Variants in C8orf74 observed in about 807,000 individuals in gnomAD.
C8orf74 encodes the protein uncharacterized protein C8orf74.
Under a neutral mutation model 22.2 loss-of-function variants are expected in C8orf74, and 29 were observed. That is an observed-to-expected ratio of 1.31 (90% CI 0.97 to 1.78). The LOEUF (loss-of-function observed/expected upper bound fraction) is 1.78. Among genes scored for constraint, C8orf74 ranks in the 40% most tolerant of loss-of-function variants. The pLI is 0.00. For synonymous variants in C8orf74, 255 were observed against 163.1 expected (o/e 1.56, Z -4.30); for missense variants, 515 against 369.9 (o/e 1.39, Z -3.22).
intron 2 of C8orf74, among the ~76,000 whole-genome samples, chr8:10,687,685 C>T (rs1485403140): frequency 6.7e-6 from 1 of 150,158 alleles, no homozygotes; most frequent in East Asian, 2.0e-4. Flanking sequence ...AAAGATTCTG[C>T]TTTTAAACAC....
In C8orf74 at chr8:10,697,651, C is replaced by A. The variant is rs1292150432; in HGVS notation, c.294C>A (p.Tyr98Ter). 3 of 1,613,830 alleles carry A rather than the reference C, an allele frequency of 1.9e-6. No individual in the cohort carries two copies. Among genetic ancestry groups the A allele is most frequent in the Non-Finnish European group, 2.5e-6 (3 of 1,179,858 alleles). ...VTILGNKLRD[Y>*]RGHFNTTHLL... is the part of the protein sequence containing the mutation. Reference sequence around the variant, plus strand: ...TCCTGGGGAACAAGCTTAGAGATTACCGGGGCCATTTCAACACCACCCACC... The same window carrying A: ...TCCTGGGGAACAAGCTTAGAGATTAACGGGGCCATTTCAACACCACCCACC... Residue 98 changes from tyrosine to a stop codon, truncating the protein, a stop_gained, in exon 3 of 4, where the codon TAC (tyrosine) becomes TAA (stop). Coordinates refer to ENST00000304519, the MANE Select transcript of C8orf74 (RefSeq NM_001040032.2). LOFTEE classifies it high-confidence loss of function.
chr8:10,689,893 T>G lies in C8orf74; in HGVS notation c.242-7706T>G, dbSNP rs1799337911. On this transcript the variant is annotated intron_variant, in intron 2 of 3. Transcript: ENST00000304519. ...GGGGAGGAAGAGGAGGGGTTGGTCT[T>G]ACCGTTTTGGGGGTGGCACAGGAAG... 2.6e-5 allele frequency: 4 copies of G among 152,114 alleles called. No homozygotes were observed. The South Asian group carries it at 8.3e-4, about 32-fold the overall frequency. 9.4% of individuals were successfully genotyped at this position (152,114 alleles called of 1,614,324 possible).
intron 2 of C8orf74, among the ~76,000 whole-genome samples, chr8:10,696,051 T>G (rs915269865): frequency 6.6e-6 from 1 of 152,178 alleles, no homozygotes; most frequent in African/African-American, 2.4e-5. Context: ...CATGCTCTTC[T>G]GCTGCCCTTG....
intron 2 of C8orf74, among the ~76,000 whole-genome samples, chr8:10,676,244 T>G (rs1388323742): frequency 6.6e-6 from 1 of 152,140 alleles, no homozygotes; most frequent in African/African-American, 2.4e-5. Context: ...GGTCATAATC[T>G]CAGTAGCTGC....
At chr8:10,679,980 C>A (rs755532782) in intron 2 of C8orf74, 1 of 153,138 alleles carries the variant, frequency 6.5e-6, no homozygotes, top group Non-Finnish European at 1.5e-5. Context: ...GGGTCTGCGC[C>A]CTGTACATCT....
At chr8:10,682,396 A>C (rs1247146999) in intron 2 of C8orf74, among the ~76,000 whole-genome samples, 1 of 152,088 alleles carries the variant, frequency 6.6e-6, no homozygotes, top group Non-Finnish European at 1.5e-5. Flanking sequence ...ACAAACATTT[A>C]TTTCCTCATA....
chr8:10,686,955 G>C, intron 2 of C8orf74: 1 of 368,670 alleles, frequency 2.7e-6, no homozygotes, highest in Non-Finnish European at 5.4e-6. Context: ...GTGGGGCCCC[G>C]TGCCCGCCCA....
chr8:10,685,398 G>A (rs1363887481), intron 2 of C8orf74, among the ~76,000 whole-genome samples: 1 of 152,248 alleles, frequency 6.6e-6, no homozygotes, highest in Admixed American at 6.5e-5. Context: ...ACCCTAGTGA[G>A]CATGGATGGA....
intron 2 of C8orf74, chr8:10,687,402 C>T: frequency 4.1e-6 from 1 of 242,642 alleles, no homozygotes; most frequent in South Asian, 4.4e-5. Flanking sequence ...GTAATCCCGG[C>T]AGTTTGGGAG....
At chr8:10,687,029 A>T (rs1005632371) in intron 2 of C8orf74, 1 of 450,090 alleles carries the variant, frequency 2.2e-6, no homozygotes, top group African/African-American at 2.0e-5. Context: ...GAAGAAATCC[A>T]GTCTCCAGGG....
intron 2 of C8orf74, among the ~76,000 whole-genome samples, chr8:10,690,665 C>A (rs999858138): frequency 6.6e-6 from 1 of 152,166 alleles, no homozygotes; most frequent in Non-Finnish European, 1.5e-5. Context: ...GTTTCCAGCC[C>A]CGCAGGGGTG....
intron 2 of C8orf74, among the ~76,000 whole-genome samples, chr8:10,682,238 T>C (rs1331572599): frequency 2.0e-5 from 3 of 152,202 alleles, no homozygotes; most frequent in Admixed American, 1.3e-4. Context: ...GATTGATGGA[T>C]GGTGGAAGTC....
chr8:10,684,955 G>A (rs1012975080), intron 2 of C8orf74, among the ~76,000 whole-genome samples: 1 of 152,200 alleles, frequency 6.6e-6, no homozygotes, highest in Non-Finnish European at 1.5e-5. Context: ...AGTGACCAAT[G>A]GGAGGGTAGC....
chr8:10,676,125 C>T (rs531255954), intron 2 of C8orf74, among the ~76,000 whole-genome samples: 53 of 152,150 alleles, frequency 3.5e-4, no homozygotes, highest in Admixed American at 1.4e-3. Flanking sequence ...TTTCTTTCTA[C>T]TATTGTTGCA....
chr8:10,681,976 G>T (rs1799160852), intron 2 of C8orf74, among the ~76,000 whole-genome samples: 1 of 152,238 alleles, frequency 6.6e-6, no homozygotes, highest in Admixed American at 6.5e-5. Flanking sequence ...GCGGGCAGGA[G>T]GCAGTGACTC....
chr8:10,684,978 G>A (rs1408869627), intron 2 of C8orf74, among the ~76,000 whole-genome samples: 1 of 152,220 alleles, frequency 6.6e-6, no homozygotes, highest in East Asian at 1.9e-4. Flanking sequence ...TGAGAGTGGG[G>A]GTCCTCTGAA....
Position 10,700,258 on chromosome 8 carries a change from G to A in C8orf74, c.672G>A (p.Gln224=), listed in dbSNP as rs1486524846. Residue 224 remains glutamine, a synonymous_variant, in exon 4 of 4, where the codon CAG becomes CAA. Transcript: ENST00000304519. ...AGGAGTTGGAGAGCCTCATCTGCCAGGCAGTCCACACCCAGATGGAGCTCC... is the reference window on the plus strand; with the variant it reads ...AGGAGTTGGAGAGCCTCATCTGCCAAGCAGTCCACACCCAGATGGAGCTCC... ...ERQELESLIC[Q]AVHTQMELLQ... is the part of the protein sequence containing the mutation. 1 of 1,606,138 alleles carries A rather than the reference G, an allele frequency of 6.2e-7. No homozygotes were observed. Among genetic ancestry groups the A allele is most frequent in the South Asian group, 1.1e-5 (1 of 90,654 alleles).
chr8:10,678,021 A>ACG (rs1159123971), intron 2 of C8orf74, among the ~76,000 whole-genome samples: 2 of 151,970 alleles, frequency 1.3e-5, no homozygotes, highest in African/African-American at 4.8e-5. Flanking sequence ...CATCCACCTT[A>ACG]CGAGTTCCTC....
chr8:10,700,301 C>T lies in C8orf74; in HGVS notation c.715C>T (p.Arg239Cys), dbSNP rs765461161. ...QMELLQELLQ[R>C]QIQNTFAILD... is the part of the protein sequence containing the mutation. ...GGAGCTCCTGCAGGAGCTGCTGCAG[C>T]GCCAGATCCAGAACACATTCGCCAT... The change falls in exon 4 of 4, where the codon CGC becomes TGC. Residue 239 changes from arginine to cysteine, a missense_variant. Arg to Cys is a radical substitution (Grantham distance 180). Coordinates refer to ENST00000304519, the MANE Select transcript of C8orf74 (RefSeq NM_001040032.2). 9.9e-6 allele frequency: 16 copies of T among 1,613,454 alleles called. No homozygotes were observed. The highest frequency in any genetic ancestry group is 3.3e-5 in the South Asian group (3 of 91,050).
Sources: gnomAD v4.1 joint callset for allele counts (sites outside exome capture counted in the v4.1 genomes callset) on GRCh38, gnomAD v4.1.1 for gene constraint, MANE v1.5 for transcripts, NCBI Gene and HGNC (gene_info 2026-07-23, HGNC 2026-07-21) for gene names.